Variants in LCE1A observed in about 807,000 individuals in gnomAD.
The protein encoded by LCE1A is late cornified envelope protein 1A.
For missense variants in LCE1A, 138 were observed against 140.0 expected, an observed-to-expected ratio of 0.99 and a Z score of 0.07; for synonymous variants, 59 against 53.8, an observed-to-expected ratio of 1.10 and a Z score of -0.43.
chr1:152,827,842 A>T lies in LCE1A; in HGVS notation c.*37A>T. ...CACCTAGAAGAGCAGACTCGGGTGA[A>T]ATGAGTGATCAAACATTTCCTCCTC... is the stretch of plus-strand genomic sequence containing the variant. On this transcript the variant is annotated 3_prime_UTR_variant, in exon 1 of 1. Transcript: ENST00000335123. 1.3e-6 allele frequency: 2 copies of T among 1,532,334 alleles called. No homozygotes were observed. The highest frequency in any genetic ancestry group is 1.4e-5 in the African/African-American group (1 of 72,210). 94.9% of individuals were successfully genotyped at this position (1,532,334 alleles called of 1,614,324 possible).
In LCE1A at chr1:152,828,012, G is replaced by C. The variant is rs1647405526; in HGVS notation, c.*207G>C. 4 of 609,076 alleles carry C rather than the reference G, an allele frequency of 6.6e-6. No homozygotes were observed. Among genetic ancestry groups the C allele is most frequent in the Non-Finnish European group, 1.1e-5 (4 of 349,212 alleles). The allele number at this position is 609,076 out of a possible 1,614,324, so 37.7% of individuals were successfully genotyped here. A position where few individuals can be genotyped will look rare whatever the true frequency, so the allele number is the denominator to read the frequency against. On this transcript the variant is annotated 3_prime_UTR_variant, in exon 1 of 1. Transcript: ENST00000335123. ...ATCTGCTGCCCCTGACACCAACTGTGTTGTCTACTCTGGGATCCCAAGCCA... is the reference window on the plus strand; with the variant it reads ...ATCTGCTGCCCCTGACACCAACTGTCTTGTCTACTCTGGGATCCCAAGCCA...
rs115638937 is a variant in LCE1A at position 152,827,858 on chromosome 1, T to G, written c.*53T>G. The G allele has an allele frequency of 6.6e-7, 1 of 1,506,752 alleles. No homozygotes were observed. The highest frequency in any genetic ancestry group is 2.3e-5 in the East Asian group (1 of 42,980). The allele number at this position is 1,506,752 out of a possible 1,614,324, so 93.3% of individuals were successfully genotyped here. A position where few individuals can be genotyped will look rare whatever the true frequency, so the allele number is the denominator to read the frequency against. On this transcript the variant is annotated 3_prime_UTR_variant, in exon 1 of 1. Coordinates refer to ENST00000335123, the MANE Select transcript of LCE1A (RefSeq NM_178348.2). ...CTCGGGTGAAATGAGTGATCAAACATTTCCTCCTCACCTGTCTCCTCCTGG... is the reference window on the plus strand; with the variant it reads ...CTCGGGTGAAATGAGTGATCAAACAGTTCCTCCTCACCTGTCTCCTCCTGG...
chr1:152,828,020 C>T lies in LCE1A; in HGVS notation c.*215C>T, dbSNP rs1647406169. On this transcript the variant is annotated 3_prime_UTR_variant, in exon 1 of 1. Transcript: ENST00000335123. ...CCCCTGACACCAACTGTGTTGTCTA[C>T]TCTGGGATCCCAAGCCACAAACTCA... 1 of 577,454 alleles carries T rather than the reference C, an allele frequency of 1.7e-6. No homozygotes were observed. The highest frequency in any genetic ancestry group is 3.3e-5 in the Admixed American group (1 of 30,078). The allele number at this position is 577,454 out of a possible 1,614,324, so 35.8% of individuals were successfully genotyped here.
In LCE1A at chr1:152,827,740, C is replaced by A. The variant is rs754098653; in HGVS notation, c.268C>A (p.Gln90Lys). The change falls in exon 1 of 1, where the codon CAG becomes AAG. Residue 90 changes from glutamine (Q) to lysine (K), a missense_variant. By Grantham distance (53) the Gln-to-Lys change is moderately conservative. Coordinates refer to ENST00000335123, the MANE Select transcript of LCE1A (RefSeq NM_178348.2). ...ACTCCAGAGCTCTGGCTGCTGCAGCCAGCCCTCGGGAGGCTCCAGCTGCTG... is the reference window on the plus strand; with the variant it reads ...ACTCCAGAGCTCTGGCTGCTGCAGCAAGCCCTCGGGAGGCTCCAGCTGCTG... Reference protein sequence around the residue: ...HRLQSSGCCSQPSGGSSCCGG... With the variant: ...HRLQSSGCCSKPSGGSSCCGG... 1 of 1,613,422 alleles carries A rather than the reference C, an allele frequency of 6.2e-7. No homozygotes were observed. The highest frequency in any genetic ancestry group is 8.5e-7 in the Non-Finnish European group (1 of 1,179,848).
Position 152,827,603 on chromosome 1 carries a change from G to A in LCE1A, c.131G>A (p.Cys44Tyr), listed in dbSNP as rs781230707. The A allele has an allele frequency of 2.5e-6, 4 of 1,612,346 alleles. No individual in the cohort carries two copies. In the African/African-American group the frequency reaches 5.4e-5, roughly 22 times the overall value. ...AAGTGCCCTCCAGTCTCTTCCTGCT[G>A]CAGTGTCAGCTCCGGAGGCTGCTGT... is the stretch of plus-strand genomic sequence containing the variant. ...PPKCPPVSSC[C>Y]SVSSGGCCGS... Residue 44 changes from cysteine to tyrosine, a missense_variant, in exon 1 of 1, where the codon TGC (cysteine) becomes TAC (tyrosine). Physicochemically the swap from Cys to Tyr is radical, Grantham distance 194. Transcript: ENST00000335123.
rs1645101492 is a variant in LCE1A, at chr1:152,827,855, A to T, written c.*50A>T. 1.3e-6 allele frequency: 2 copies of T among 1,507,404 alleles called. No individual in the cohort carries two copies. The highest frequency in any genetic ancestry group is 2.8e-5 in the African/African-American group (2 of 71,530). 93.4% of individuals were successfully genotyped at this position (1,507,404 alleles called of 1,614,324 possible). On this transcript the variant is annotated 3_prime_UTR_variant, in exon 1 of 1. Transcript: ENST00000335123. ...AGACTCGGGTGAAATGAGTGATCAA[A>T]CATTTCCTCCTCACCTGTCTCCTCC...
Position 152,827,834 on chromosome 1 carries a change from T to A in LCE1A, c.*29T>A. ...GGACTCTGCACCTAGAAGAGCAGAC[T>A]CGGGTGAAATGAGTGATCAAACATT... On this transcript the variant is annotated 3_prime_UTR_variant, in exon 1 of 1. Coordinates refer to ENST00000335123, the MANE Select transcript of LCE1A (RefSeq NM_178348.2). 4 of 1,543,342 alleles carry A rather than the reference T, an allele frequency of 2.6e-6. No individual in the cohort carries two copies. The highest frequency in any genetic ancestry group is 2.6e-6 in the Non-Finnish European group (3 of 1,147,292).
chr1:152,827,945 C>G lies in LCE1A; in HGVS notation c.*140C>G. 2 of 983,528 alleles carry G rather than the reference C, an allele frequency of 2.0e-6. No individual in the cohort carries two copies. Among genetic ancestry groups the G allele is most frequent in the Non-Finnish European group, 3.0e-6 (2 of 677,536 alleles). The allele number at this position is 983,528 out of a possible 1,614,324, so 60.9% of individuals were successfully genotyped here. A position where few individuals can be genotyped will look rare whatever the true frequency, so the allele number is the denominator to read the frequency against. On this transcript the variant is annotated 3_prime_UTR_variant, in exon 1 of 1. Coordinates refer to ENST00000335123, the MANE Select transcript of LCE1A (RefSeq NM_178348.2). ...CTGAGCTCTGGCCTAGAGGATCCCT[C>G]TGCCCTGGGATCCAGAAACTTGATT...
Position 152,827,766 on chromosome 1 carries a change from TGGA to T in LCE1A, c.297_299del (p.Gly100del). 6.2e-7 allele frequency: 1 copy of T among 1,611,946 alleles called. No homozygotes were observed. The highest frequency in any genetic ancestry group is 8.5e-7 in the Non-Finnish European group (1 of 1,178,784). ...AGCCCTCGGGAGGCTCCAGCTGCTG[TGGA>T]GGGGACAGCGGCCAGCACTCTGGAG... On this transcript the variant is annotated inframe_deletion, in exon 1 of 1. Transcript: ENST00000335123.
rs115638937 is a variant in LCE1A at position 152,827,858 on chromosome 1, T to A, written c.*53T>A. 1.2e-3 allele frequency: 1,871 copies of A among 1,506,868 alleles called. 23 individuals carry two copies. The African/African-American group carries it at 0.024, about 20-fold the overall frequency. The allele number at this position is 1,506,868 out of a possible 1,614,324, so 93.3% of individuals were successfully genotyped here. On this transcript the variant is annotated 3_prime_UTR_variant, in exon 1 of 1. Coordinates refer to ENST00000335123, the MANE Select transcript of LCE1A (RefSeq NM_178348.2). ...CTCGGGTGAAATGAGTGATCAAACA[T>A]TTCCTCCTCACCTGTCTCCTCCTGG... is the stretch of plus-strand genomic sequence containing the variant.
In LCE1A at chr1:152,827,944, T is replaced by A; in HGVS notation, c.*139T>A. 1.0e-6 allele frequency: 1 copy of A among 989,598 alleles called. No homozygotes were observed. Among genetic ancestry groups the A allele is most frequent in the Non-Finnish European group, 1.5e-6 (1 of 683,118 alleles). 61.3% of individuals were successfully genotyped at this position (989,598 alleles called of 1,614,324 possible). A position where few individuals can be genotyped will look rare whatever the true frequency, so the allele number is the denominator to read the frequency against. On this transcript the variant is annotated 3_prime_UTR_variant, in exon 1 of 1. Transcript: ENST00000335123. ...TCTGAGCTCTGGCCTAGAGGATCCCTCTGCCCTGGGATCCAGAAACTTGAT... is the reference window on the plus strand; with the variant it reads ...TCTGAGCTCTGGCCTAGAGGATCCCACTGCCCTGGGATCCAGAAACTTGAT...
Position 152,827,987 on chromosome 1 carries a change from A to T in LCE1A, c.*182A>T. 1 of 688,060 alleles carries T rather than the reference A, an allele frequency of 1.5e-6. No homozygotes were observed. The highest frequency in any genetic ancestry group is 2.4e-6 in the Non-Finnish European group (1 of 413,830). The allele number at this position is 688,060 out of a possible 1,614,324, so 42.6% of individuals were successfully genotyped here. A position where few individuals can be genotyped will look rare whatever the true frequency, so the allele number is the denominator to read the frequency against. The stretch of plus-strand genomic sequence containing the variant: ...AACTTGATTCTTCTCCCACAAACCT[A>T]TCTGCTGCCCCTGACACCAACTGTG... On this transcript the variant is annotated 3_prime_UTR_variant, in exon 1 of 1. Transcript: ENST00000335123.
Position 152,827,490 on chromosome 1 carries a change from C to T in LCE1A, c.18C>T (p.Ser6=), listed in dbSNP as rs370636064. The T allele has an allele frequency of 1.2e-6, 2 of 1,613,782 alleles. No homozygotes were observed. The highest frequency in any genetic ancestry group is 1.7e-6 in the Non-Finnish European group (2 of 1,180,010). ...CCGCCGAGATGTCCTGCCAGCAGAG[C>T]CAGCAGCAGTGCCAGCCCCCTCCCA... MSCQQ[S]QQQCQPPPKC... The change falls in exon 1 of 1, where the codon AGC becomes AGT. Residue 6 remains serine (S), a synonymous_variant. Coordinates refer to ENST00000335123, the MANE Select transcript of LCE1A (RefSeq NM_178348.2).
Position 152,827,765 on chromosome 1 carries a change from G to A in LCE1A, c.293G>A (p.Cys98Tyr), listed in dbSNP as rs113578771. ...CSQPSGGSSC[C>Y]GGDSGQHSGG... is the part of the protein sequence containing the mutation. Reference sequence around the variant, plus strand: ...CAGCCCTCGGGAGGCTCCAGCTGCTGTGGAGGGGACAGCGGCCAGCACTCT... The same window carrying A: ...CAGCCCTCGGGAGGCTCCAGCTGCTATGGAGGGGACAGCGGCCAGCACTCT... The change falls in exon 1 of 1, where the codon TGT becomes TAT. Residue 98 changes from cysteine to tyrosine, a missense_variant. By Grantham distance (194) the Cys-to-Tyr change is radical (BLOSUM62 -2). Transcript: ENST00000335123. 1.2e-6 allele frequency: 2 copies of A among 1,612,204 alleles called. No homozygotes were observed. Among genetic ancestry groups the A allele is most frequent in the Admixed American group, 1.7e-5 (1 of 59,876 alleles).
chr1:152,828,004 C>T lies in LCE1A; in HGVS notation c.*199C>T, dbSNP rs1647405356. On this transcript the variant is annotated 3_prime_UTR_variant, in exon 1 of 1. Transcript: ENST00000335123. Reference sequence around the variant, plus strand: ...ACAAACCTATCTGCTGCCCCTGACACCAACTGTGTTGTCTACTCTGGGATC... The same window carrying T: ...ACAAACCTATCTGCTGCCCCTGACATCAACTGTGTTGTCTACTCTGGGATC... 1 of 635,098 alleles carries T rather than the reference C, an allele frequency of 1.6e-6. No homozygotes were observed. The highest frequency in any genetic ancestry group is 2.7e-6 in the Non-Finnish European group (1 of 367,448). The allele number at this position is 635,098 out of a possible 1,614,324, so 39.3% of individuals were successfully genotyped here.
chr1:152,827,499 G>T lies in LCE1A; in HGVS notation c.27G>T (p.Gln9His). 6.2e-7 allele frequency: 1 copy of T among 1,613,778 alleles called. No homozygotes were observed. Among genetic ancestry groups the T allele is most frequent in the Non-Finnish European group, 8.5e-7 (1 of 1,179,978 alleles). Reference sequence around the variant, plus strand: ...TGTCCTGCCAGCAGAGCCAGCAGCAGTGCCAGCCCCCTCCCAAGTGCACCC... The same window carrying T: ...TGTCCTGCCAGCAGAGCCAGCAGCATTGCCAGCCCCCTCCCAAGTGCACCC... Reference protein sequence around the residue: MSCQQSQQQCQPPPKCTPK... With the variant: MSCQQSQQHCQPPPKCTPK... The change falls in exon 1 of 1, where the codon CAG becomes CAT. Residue 9 changes from glutamine to histidine, a missense_variant. Transcript: ENST00000335123.
At position 152,827,611 on chromosome 1, in the gene LCE1A, A is replaced by T. The variant is rs2101598335; in HGVS notation, c.139A>T (p.Ser47Cys). ...TCCAGTCTCTTCCTGCTGCAGTGTC[A>T]GCTCCGGAGGCTGCTGTGGCTCCAG... ...CPPVSSCCSV[S>C]SGGCCGSSSG... The change falls in exon 1 of 1, where the codon AGC becomes TGC. Residue 47 changes from serine to cysteine, a missense_variant. Coordinates refer to ENST00000335123, the MANE Select transcript of LCE1A (RefSeq NM_178348.2). The T allele has an allele frequency of 6.2e-7, 1 of 1,610,278 alleles. No individual in the cohort carries two copies. The highest frequency in any genetic ancestry group is 8.5e-7 in the Non-Finnish European group (1 of 1,179,616).
Position 152,827,613 on chromosome 1 carries a change from C to A in LCE1A, c.141C>A (p.Ser47Arg), listed in dbSNP as rs756201282. ...CPPVSSCCSVSSGGCCGSSSG... is the reference protein window; with the variant it reads ...CPPVSSCCSVRSGGCCGSSSG... ...CAGTCTCTTCCTGCTGCAGTGTCAG[C>A]TCCGGAGGCTGCTGTGGCTCCAGCT... Residue 47 changes from serine (S) to arginine (R), a missense_variant, in exon 1 of 1, where the codon AGC becomes AGA. By Grantham distance (110) the Ser-to-Arg change is moderately radical. Transcript: ENST00000335123. 2 of 1,613,860 alleles carry A rather than the reference C, an allele frequency of 1.2e-6. No homozygotes were observed. Among genetic ancestry groups the A allele is most frequent in the Non-Finnish European group, 1.7e-6 (2 of 1,179,974 alleles).
In LCE1A at chr1:152,827,501, G is replaced by T. The variant is rs775148604; in HGVS notation, c.29G>T (p.Cys10Phe). MSCQQSQQQ[C>F]QPPPKCTPKC... The stretch of plus-strand genomic sequence containing the variant: ...TCCTGCCAGCAGAGCCAGCAGCAGT[G>T]CCAGCCCCCTCCCAAGTGCACCCCC... Residue 10 changes from cysteine (C) to phenylalanine (F), a missense_variant, in exon 1 of 1, where the codon TGC becomes TTC. Transcript: ENST00000335123. The T allele has an allele frequency of 5.6e-6, 9 of 1,613,586 alleles. No homozygotes were observed. The African/African-American group carries it at 1.1e-4, about 19-fold the overall frequency.
Sources: allele counts gnomAD v4.1 joint callset, GRCh38; gene constraint gnomAD v4.1.1; transcripts MANE v1.5; gene names NCBI Gene and HGNC (gene_info 2026-07-23, HGNC 2026-07-21).